Variants in SMARCA2 observed in about 807,000 individuals in gnomAD.
SMARCA2 encodes SWI/SNF-related matrix-associated actin-dependent regulator of chromatin subfamily A member 2.
A neutral mutation model predicts 199.8 loss-of-function variants in SMARCA2; 61 were observed. The observed-to-expected ratio is 0.31, with a 90% CI of 0.25 to 0.38. SMARCA2 has a LOEUF of 0.38. SMARCA2 is among the 10% of genes least tolerant of loss of function. The probability of loss-of-function intolerance (pLI) is 1.00; values close to 1 mark genes in which losing one functional copy is unlikely to be tolerated. For synonymous variants in SMARCA2, 935 were observed against 732.0 expected (o/e 1.28, Z -4.48); for missense variants, 1,344 against 2,012.2 (o/e 0.67, Z 6.35).
intron 5 of SMARCA2, among the ~76,000 whole-genome samples, chr9:2,052,303 G>A (rs545699369): frequency 4.6e-5 from 7 of 152,208 alleles, no homozygotes; most frequent in Middle Eastern, 3.4e-3. Flanking sequence ...GCAAAACCCC[G>A]TCTCTACTAA....
chr9:2,029,476 C>A (rs1452913956), intron 2 of SMARCA2, among the ~76,000 whole-genome samples: 1 of 152,148 alleles, frequency 6.6e-6, no homozygotes, highest in Admixed American at 6.5e-5. Context: ...CTGACATAGA[C>A]TATGCAGTTC....
Position 2,170,550 on chromosome 9 carries a change from C to A in SMARCA2, c.4253+78C>A, listed in dbSNP as rs1449584054. On this transcript the variant is annotated intron_variant, in intron 29 of 33. Transcript: ENST00000349721. This position sits in a 1 kb window ranked among gnomAD's most constrained non-coding sequence, Gnocchi z 4.7. ...CGTGAAACAGATTGAATCATATAAT[C>A]GGCCTTTGGAAGCAAATTTCTTCGG... is the stretch of plus-strand genomic sequence containing the variant. 7 of 1,608,056 alleles carry A rather than the reference C, an allele frequency of 4.4e-6. No homozygotes were observed. The highest frequency in any genetic ancestry group is 6.0e-6 in the Non-Finnish European group (7 of 1,176,280).
chr9:2,151,585 T>C (rs1466731468), intron 27 of SMARCA2, among the ~76,000 whole-genome samples: 2 of 151,796 alleles, frequency 1.3e-5, no homozygotes, highest in Non-Finnish European at 2.9e-5. Context: ...TACAAAAAAA[T>C]TGGCTGGGCC....
At chr9:2,088,018 A>T (rs1821873377) in intron 18 of SMARCA2, among the ~76,000 whole-genome samples, 1 of 152,234 alleles carries the variant, frequency 6.6e-6, no homozygotes, top group African/African-American at 2.4e-5. Context: ...CCACCAGCAT[A>T]AACTGGATCA....
At chr9:2,192,594 T>C (rs989961545) in intron 33 of SMARCA2, 110 bp from the exon 34 acceptor site, 29 of 803,632 alleles carry the variant, frequency 3.6e-5, no homozygotes, top group Non-Finnish European at 5.8e-5. Flanking sequence ...TTTGGCGAGT[T>C]GTTTCCAAAA....
chr9:2,189,181 G>A (rs1315744519), intron 32 of SMARCA2, among the ~76,000 whole-genome samples: 1 of 152,196 alleles, frequency 6.6e-6, no homozygotes, highest in East Asian at 1.9e-4. Context: ...TGGACATCTT[G>A]TGAGGAGATG....
At chr9:2,022,950 C>T (rs1422511759) in intron 1 of SMARCA2, among the ~76,000 whole-genome samples, 4 of 152,176 alleles carry the variant, frequency 2.6e-5, no homozygotes, top group African/African-American at 9.7e-5. Flanking sequence ...TTTATAACTA[C>T]TAATGGACAT....
chr9:2,114,729 A>C (rs1321250167), intron 24 of SMARCA2, among the ~76,000 whole-genome samples: 1 of 152,152 alleles, frequency 6.6e-6, no homozygotes, highest in African/African-American at 2.4e-5. Flanking sequence ...CTTTTTTCTT[A>C]TTATTAATAT....
At chr9:2,185,316 T>C (rs1258497155) in intron 31 of SMARCA2, among the ~76,000 whole-genome samples, 1 of 152,160 alleles carries the variant, frequency 6.6e-6, no homozygotes, top group Non-Finnish European at 1.5e-5. Context: ...CTTATGGACT[T>C]AGCGTAACAA....
In SMARCA2 at chr9:2,153,387, G is replaced by A. The variant is rs770867073; in HGVS notation, c.3982-8299G>A. ...CCCTGTGTCTACAAAAAAGAAAATC[G>A]CCAGGCATGGTGGTGTGCGCCTGTA... is the stretch of plus-strand genomic sequence containing the variant. On this transcript the variant is annotated intron_variant, in intron 27 of 33. Transcript: ENST00000349721. 2.6e-5 allele frequency among the ~76,000 whole-genome samples: 4 copies of A among 152,030 alleles called. No homozygotes were observed. The South Asian group carries it at 6.2e-4, about 24-fold the overall frequency.
chr9:2,060,433 T>C (rs1476087098), intron 8 of SMARCA2, among the ~76,000 whole-genome samples: 4 of 152,250 alleles, frequency 2.6e-5, no homozygotes, highest in African/African-American at 9.6e-5. Flanking sequence ...CTCTCTGCTT[T>C]TGATTATATT....
Position 2,050,028 on chromosome 9 carries a change from G to C in SMARCA2, c.1046+2544G>C, listed in dbSNP as rs75287226. ...TGGGTCTTGTAATATCATTTACCTT[G>C]TCTATGAAATTTGACAGGAAGTTTT... is the stretch of plus-strand genomic sequence containing the variant. On this transcript the variant is annotated intron_variant, in intron 5 of 33. Coordinates refer to ENST00000349721, the MANE Select transcript of SMARCA2 (RefSeq NM_003070.5). Among the ~76,000 whole-genome samples, 20 of 152,278 alleles carry C rather than the reference G, an allele frequency of 1.3e-4. No individual in the cohort carries two copies. The East Asian group carries it at 3.7e-3, about 28-fold the overall frequency.
At position 2,043,764 on chromosome 9, in the gene SMARCA2, A is replaced by C. The variant is rs187407631; in HGVS notation, c.791-3465A>C. The C allele has an allele frequency of 3.9e-5, 6 of 152,264 alleles. No homozygotes were observed. In the East Asian group the frequency reaches 1.2e-3, roughly 29 times the overall value. 9.4% of individuals were successfully genotyped at this position (152,264 alleles called of 1,614,324 possible). A position where few individuals can be genotyped will look rare whatever the true frequency, so the allele number is the denominator to read the frequency against. ...TTTTAATACATTGTTACCCTATTGC[A>C]TCAAATCACGCCTAGGGATGCATTC... On this transcript the variant is annotated intron_variant, in intron 4 of 33. Transcript: ENST00000349721.
rs1418378462 is a variant in SMARCA2, at chr9:2,123,443, C to T, written c.3763-276C>T. Among the ~76,000 whole-genome samples, 1 of 152,126 alleles carries T rather than the reference C, an allele frequency of 6.6e-6. No homozygotes were observed. The highest frequency in any genetic ancestry group is 1.5e-5 in the Non-Finnish European group (1 of 68,032). ...CTATTACTTTAAAGAGGGAGCTTTG[C>T]ATACACACAGACTAAGAAAAGGAAA... On this transcript the variant is annotated intron_variant, in intron 26 of 33. Transcript: ENST00000349721. The surrounding 1 kb of genome is among the most constrained non-coding windows in gnomAD (Gnocchi z 4.1).
At chr9:2,058,813 T>C (rs564986732) in intron 8 of SMARCA2, among the ~76,000 whole-genome samples, 17 of 152,292 alleles carry the variant, frequency 1.1e-4, no homozygotes, top group African/African-American at 4.1e-4. Flanking sequence ...AAATATGGCC[T>C]CTTTGAGATG....
intron 26 of SMARCA2, among the ~76,000 whole-genome samples, chr9:2,122,796 T>C (rs958870420): frequency 3.3e-5 from 5 of 152,232 alleles, no homozygotes; most frequent in Non-Finnish European, 5.9e-5. Flanking sequence ...GTCCATTTCA[T>C]TGTGGAAATG....
At chr9:2,117,391 C>T (rs1456524195) in intron 25 of SMARCA2, among the ~76,000 whole-genome samples, 2 of 152,286 alleles carry the variant, frequency 1.3e-5, no homozygotes, top group East Asian at 1.9e-4. Flanking sequence ...TATCCACACA[C>T]ATTTGAAAAA....
Position 2,083,334 on chromosome 9 carries a change from T to C in SMARCA2, c.2349-13T>C. 1 of 1,537,664 alleles carries C rather than the reference T, an allele frequency of 6.5e-7. No homozygotes were observed. The highest frequency in any genetic ancestry group is 8.8e-7 in the Non-Finnish European group (1 of 1,139,966). ...ATGTCTTTTTTCTGTTGTTTTTTTT[T>C]TTTGTTCCATAGGACTCTATCTAAC... On this transcript the variant is annotated splice_polypyrimidine_tract_variant and intron_variant, in intron 15 of 33. Transcript: ENST00000349721.
At chr9:2,079,348 T>C (rs1257995186) in intron 14 of SMARCA2, among the ~76,000 whole-genome samples, 3 of 152,234 alleles carry the variant, frequency 2.0e-5, no homozygotes, top group Non-Finnish European at 4.4e-5. Context: ...TCTTCTAGAA[T>C]ACACTTTAGG....
Sources: gnomAD v4.1 joint callset for allele counts (sites outside exome capture counted in the v4.1 genomes callset) on GRCh38, gnomAD v4.1.1 for gene constraint, Gnocchi (gnomAD v3.1) non-coding constraint, MANE v1.5 for transcripts, NCBI Gene and HGNC (gene_info 2026-07-23, HGNC 2026-07-21) for gene names.